Variants in HGF observed in about 807,000 individuals in gnomAD.
HGF encodes hepatocyte growth factor, also known as fibroblast-derived tumor cytotoxic factor.
A neutral mutation model predicts 111.6 loss-of-function variants in HGF; 39 were observed. That is an observed-to-expected ratio of 0.35 (90% confidence interval 0.27 to 0.46). The LOEUF is 0.46. HGF is among the 20% of genes least tolerant of loss of function. The probability of loss-of-function intolerance (pLI) is 1.00; values close to 1 mark genes in which losing one functional copy is unlikely to be tolerated. For synonymous variants in HGF, 285 were observed against 294.8 expected (o/e 0.97, Z 0.34); for missense variants, 735 against 910.5 (o/e 0.81, Z 2.48).
Position 81,710,133 on chromosome 7 carries a change from C to A in HGF, c.1541+14G>T, listed in dbSNP as rs777330302. 2.7e-6 allele frequency: 4 copies of A among 1,483,568 alleles called. No individual in the cohort carries two copies. Among genetic ancestry groups the A allele is most frequent in the African/African-American group, 2.8e-5 (2 of 72,336 alleles). 91.9% of individuals were successfully genotyped at this position (1,483,568 alleles called of 1,614,324 possible). A position where few individuals can be genotyped will look rare whatever the true frequency, so the allele number is the denominator to read the frequency against. ...TATTCTGGATATGCATGACTTGCAT[C>A]TATTAATAATTACCTGTATCTCAAA... On this transcript the variant is annotated intron_variant, in intron 13 of 17. Transcript: ENST00000222390.
intron 7 of HGF, among the ~76,000 whole-genome samples, chr7:81,740,850 T>C (rs748634171): frequency 6.6e-6 from 1 of 152,198 alleles, no homozygotes; most frequent in Non-Finnish European, 1.5e-5. Flanking sequence ...GATCAGGACC[T>C]TTTGAGACCC....
At chr7:81,712,722 C>T (rs58658963) in intron 11 of HGF, among the ~76,000 whole-genome samples, 7,736 of 152,232 alleles carry the variant, frequency 0.051, 659 homozygotes, top group African/African-American at 0.18. Context: ...AGATGGTTGT[C>T]AATCCCTGGA....
intron 9 of HGF, among the ~76,000 whole-genome samples, chr7:81,723,889 T>C (rs1789939738): frequency 1.3e-5 from 2 of 151,090 alleles, no homozygotes; most frequent in Admixed American, 1.3e-4. Context: ...AATACCTAGA[T>C]CTAAGTAGAT....
At position 81,746,443 on chromosome 7, in the gene HGF, C is replaced by T. The variant is rs554445618; in HGVS notation, c.626-1323G>A. 3.9e-5 allele frequency among the ~76,000 whole-genome samples: 6 copies of T among 152,298 alleles called. No homozygotes were observed. The East Asian group carries it at 1.2e-3, about 29-fold the overall frequency. Reference sequence around the variant, plus strand: ...GATGCAATGTTACATTTCAGCTTTCCATTTGAATGCTTAACAGGTTCATTT... The same window carrying T: ...GATGCAATGTTACATTTCAGCTTTCTATTTGAATGCTTAACAGGTTCATTT... On this transcript the variant is annotated intron_variant, in intron 5 of 17. Coordinates refer to ENST00000222390, the MANE Select transcript of HGF (RefSeq NM_000601.6).
chr7:81,735,949 T>C (rs1787810945), intron 7 of HGF, among the ~76,000 whole-genome samples: 1 of 152,092 alleles, frequency 6.6e-6, no homozygotes, highest in South Asian at 2.1e-4. Context: ...AGGCCCACTC[T>C]CATGACCTCA....
chr7:81,759,574 G>A (rs558236541), intron 2 of HGF, among the ~76,000 whole-genome samples: 2 of 151,558 alleles, frequency 1.3e-5, no homozygotes, highest in South Asian at 2.1e-4. Context: ...GTGTGATCTC[G>A]GCTCACTGCA....
At chr7:81,720,693 A>G in intron 10 of HGF, 52 bp downstream of exon 10, 1 of 956,192 alleles carries the variant, frequency 1.0e-6, no homozygotes, top group Non-Finnish European at 1.7e-6. Flanking sequence ...CTAAATACAC[A>G]GTCTGTTGGT....
chr7:81,756,310 A>T, intron 4 of HGF: 1 of 485,384 alleles, frequency 2.1e-6, no homozygotes, highest in Non-Finnish European at 3.6e-6. Flanking sequence ...GAGATTAACA[A>T]GGTACAGTGC....
At chr7:81,731,118 C>T (rs551870999) in intron 7 of HGF, among the ~76,000 whole-genome samples, 1 of 152,146 alleles carries the variant, frequency 6.6e-6, no homozygotes, top group Non-Finnish European at 1.5e-5. Flanking sequence ...ATTCTATGAG[C>T]TAACCTAGGC....
chr7:81,738,201 C>G (rs897310010), intron 7 of HGF, among the ~76,000 whole-genome samples: 2 of 151,964 alleles, frequency 1.3e-5, no homozygotes, highest in Non-Finnish European at 2.9e-5. Context: ...ACATGACAAA[C>G]CTGCACATTT....
chr7:81,745,531 T>C (rs1788205025), intron 5 of HGF, among the ~76,000 whole-genome samples: 2 of 152,218 alleles, frequency 1.3e-5, no homozygotes, highest in Non-Finnish European at 2.9e-5. Context: ...TCCAAATACA[T>C]ACACAGGAAA....
At chr7:81,703,454 T>C (rs766354887) in intron 17 of HGF, among the ~76,000 whole-genome samples, 8 of 151,002 alleles carry the variant, frequency 5.3e-5, no homozygotes, top group Non-Finnish European at 1.5e-5. Flanking sequence ...GCATTTCTTA[T>C]ATGGTAAGCC....
chr7:81,754,141 G>A (rs1006475272), intron 4 of HGF, among the ~76,000 whole-genome samples: 1 of 151,922 alleles, frequency 6.6e-6, no homozygotes, highest in African/African-American at 2.4e-5. Flanking sequence ...CCATACGGTT[G>A]CCCCATATCT....
chr7:81,703,227 T>A (rs185829514), intron 17 of HGF, among the ~76,000 whole-genome samples: 1 of 150,622 alleles, frequency 6.6e-6, no homozygotes, highest in Non-Finnish European at 1.5e-5. Context: ...ATATTTTTTC[T>A]TATTTCTAAA....
At chr7:81,711,371 C>A (rs1789565412) in intron 12 of HGF, 110 bp downstream of exon 12, 1 of 540,562 alleles carries the variant, frequency 1.8e-6, no homozygotes, top group Non-Finnish European at 3.2e-6. Flanking sequence ...AGATTAACTT[C>A]TTTTTATAAT....
intron 5 of HGF, among the ~76,000 whole-genome samples, chr7:81,749,895 CTT>C (rs940408217): frequency 2.6e-5 from 4 of 151,780 alleles, no homozygotes; most frequent in African/African-American, 9.7e-5. Flanking sequence ...TTCTATATGT[CTT>C]TTTCATTTGA....
At position 81,729,724 on chromosome 7, in the gene HGF, T is replaced by G. The variant is rs774508303; in HGVS notation, c.921A>C (p.Gln307His). The G allele has an allele frequency of 1.8e-5, 29 of 1,613,974 alleles. No homozygotes were observed. Among genetic ancestry groups the G allele is most frequent in the Non-Finnish European group, 2.1e-5 (25 of 1,179,920 alleles). ...TGCCCCTGTAGCCTTCTCCTTGACC[T>G]TGGATGCATTCAGTTGTTTCCAAAG... ...DVPLETTECI[Q>H]GQGEGYRGTV... Residue 307 changes from glutamine (Q) to histidine (H), a missense_variant, in exon 8 of 18, where the codon CAA becomes CAC. This residue lies in a region of HGF where 553 missense variants were observed against 685.6 expected (regional missense o/e 0.81). Coordinates refer to ENST00000222390, the MANE Select transcript of HGF (RefSeq NM_000601.6).
At chr7:81,725,788 C>G in intron 9 of HGF, 102 bp downstream of exon 9, 1 of 1,318,592 alleles carries the variant, frequency 7.6e-7, no homozygotes, top group South Asian at 1.2e-5. Flanking sequence ...GCCAGCAAAA[C>G]CAGTGCAGCA....
intron 4 of HGF, chr7:81,756,834 T>G (rs1221048869): frequency 1.0e-5 from 3 of 292,424 alleles, no homozygotes; most frequent in Non-Finnish European, 2.0e-5. Flanking sequence ...CTCAGTAAGA[T>G]TCTCATCTAC....
Sources: gnomAD v4.1 joint callset for allele counts (sites outside exome capture counted in the v4.1 genomes callset) on GRCh38, gnomAD v4.1.1 for gene constraint, gnomAD v4.1.1 regional missense constraint, MANE v1.5 for transcripts, NCBI Gene and HGNC (gene_info 2026-07-23, HGNC 2026-07-21) for gene names.